CAPRIN2: variants seen among roughly 807,000 people sequenced by gnomAD.
The protein encoded by CAPRIN2 is caprin-2.
Under a neutral mutation model 130.4 loss-of-function variants are expected in CAPRIN2, and 66 were observed. The observed-to-expected ratio is 0.51, with a 90% CI of 0.42 to 0.62. CAPRIN2 has a LOEUF of 0.62. CAPRIN2 is among the 20% of genes least tolerant of loss of function. The pLI is 0.00. For synonymous variants in CAPRIN2, 471 were observed against 444.1 expected, an observed-to-expected ratio of 1.06 and a Z score of -0.76; for missense variants, 1,185 against 1,246.6, an observed-to-expected ratio of 0.95 and a Z score of 0.74.
At position 30,710,848 on chromosome 12, in the gene CAPRIN2, A is replaced by G. The variant is rs1034212060; in HGVS notation, c.2666-378T>C. ...AAAGCACCTAATGTAGAAGGTCTCA[A>G]GAAAATGGAGACTACATAAAAGAAC... On this transcript the variant is annotated intron_variant, in intron 16 of 16. Transcript: ENST00000298892. This position sits in a 1 kb window ranked among gnomAD's most constrained non-coding sequence, Gnocchi z 4.8. 1.3e-5 allele frequency among the ~76,000 whole-genome samples: 2 copies of G among 152,230 alleles called. No individual in the cohort carries two copies. The highest frequency in any genetic ancestry group is 2.9e-5 in the Non-Finnish European group (2 of 68,042).
Position 30,716,689 on chromosome 12 carries a change from G to T in CAPRIN2, c.2149-13C>A. ...TAACGTTAAATACCTTAAAAGACAA[G>T]GACACACTGAGTCATTTGGGAAGTT... On this transcript the variant is annotated splice_polypyrimidine_tract_variant and intron_variant, in intron 12 of 16. Coordinates refer to ENST00000298892, the Ensembl canonical transcript of CAPRIN2. 6.2e-7 allele frequency: 1 copy of T among 1,608,924 alleles called. No individual in the cohort carries two copies. The highest frequency in any genetic ancestry group is 8.5e-7 in the Non-Finnish European group (1 of 1,177,236).
At chr12:30,728,850 T>C in exon 8 of CAPRIN2, 1 of 1,614,136 alleles carries the variant, frequency 6.2e-7, no homozygotes, top group Non-Finnish European at 8.5e-7. Context: ...GGTCCATGAC[T>C]TGGTGGTGTT....
At chr12:30,749,072 A>G (rs759505888) in intron 2 of CAPRIN2, among the ~76,000 whole-genome samples, 10 of 152,162 alleles carry the variant, frequency 6.6e-5, no homozygotes, top group Non-Finnish European at 1.5e-5. Context: ...GGTACCTTCA[A>G]ATAAAAGGCT....
At chr12:30,728,317 G>C (rs2061527978) in intron 8 of CAPRIN2, 1 of 201,782 alleles carries the variant, frequency 5.0e-6, no homozygotes, top group Admixed American at 5.2e-5. Context: ...CACTTTGGGA[G>C]GCCGAGGCGG....
intron 5 of CAPRIN2, among the ~76,000 whole-genome samples, chr12:30,733,037 A>G (rs893721544): frequency 6.6e-6 from 1 of 152,126 alleles, no homozygotes; most frequent in Non-Finnish European, 1.5e-5. Context: ...TTTAAAAGGA[A>G]GCAATCACTG....
intron 12 of CAPRIN2, among the ~76,000 whole-genome samples, 155 bp from the exon 15 acceptor site, chr12:30,716,831 C>T (rs2057735508): frequency 6.6e-6 from 1 of 152,142 alleles, no homozygotes; most frequent in Admixed American, 6.5e-5. Flanking sequence ...CAAATAAGCA[C>T]ATGAAAACAT....
chr12:30,754,571 G>A (rs970684260), upstream of CAPRIN2: 4 of 152,210 alleles, frequency 2.6e-5, no homozygotes, highest in East Asian at 1.9e-4. Context: ...CAAGGCCCCG[G>A]GGGAGGCTGA....
At chr12:30,731,219 G>C in intron 6 of CAPRIN2, 124 bp downstream of exon 7, 1 of 634,118 alleles carries the variant, frequency 1.6e-6, no homozygotes, top group Non-Finnish European at 2.6e-6. Flanking sequence ...CCTGTGGTAA[G>C]TAAAGATTTC....
At chr12:30,738,579 C>T (rs1016148014) in intron 3 of CAPRIN2, among the ~76,000 whole-genome samples, 1 of 152,106 alleles carries the variant, frequency 6.6e-6, no homozygotes, top group East Asian at 1.9e-4. Context: ...AACTTAAGGG[C>T]TTTTATGCAG....
At chr12:30,753,833 C>G (rs1445889155) in exon 1 of CAPRIN2, 2 of 1,445,438 alleles carry the variant, frequency 1.4e-6, no homozygotes, top group African/African-American at 2.8e-5. Flanking sequence ...TCTCCCAATA[C>G]GGAGGATGTT....
At chr12:30,745,083 A>G (rs1272268653) in intron 2 of CAPRIN2, among the ~76,000 whole-genome samples, 1 of 152,230 alleles carries the variant, frequency 6.6e-6, no homozygotes, top group Non-Finnish European at 1.5e-5. Flanking sequence ...GTGGAATTAC[A>G]AAAGAGGGAA....
At chr12:30,735,255 T>C (rs1325925076) in intron 3 of CAPRIN2, 49 bp from the exon 5 acceptor site, 2 of 1,369,736 alleles carry the variant, frequency 1.5e-6, no homozygotes, top group African/African-American at 2.9e-5. Context: ...TACCATCCCA[T>C]ATTAGCAATA....
chr12:30,711,595 G>GT lies in CAPRIN2; in HGVS notation c.2635dup (p.Thr879AsnfsTer15), dbSNP rs760268729. The GT allele has an allele frequency of 6.2e-7, 1 of 1,613,816 alleles. No homozygotes were observed. The highest frequency in any genetic ancestry group is 1.1e-5 in the South Asian group (1 of 91,066). ...CGAATTTGCTCGTGGACCACCAGAT[G>GT]TCCCTCCTCGCTTATAACACTGCTG... is the stretch of plus-strand genomic sequence containing the variant. On this transcript the variant is annotated frameshift_variant, in exon 16 of 17. Coordinates refer to ENST00000298892, the Ensembl canonical transcript of CAPRIN2. LOFTEE classifies it high-confidence loss of function.
exon 1 of CAPRIN2, chr12:30,753,646 G>A: frequency 6.2e-7 from 1 of 1,614,144 alleles, no homozygotes; most frequent in South Asian, 1.1e-5. Flanking sequence ...ATAAAATTAG[G>A]ACTAGAGGGA....
chr12:30,723,069 T>C (rs2059869529), intron 11 of CAPRIN2, among the ~76,000 whole-genome samples, 190 bp downstream of exon 12: 2 of 152,222 alleles, frequency 1.3e-5, no homozygotes, highest in South Asian at 4.1e-4. Context: ...ACCTGTACTA[T>C]ATGTTTTCAG....
At position 30,731,349 on chromosome 12, in the gene CAPRIN2, C is replaced by CT; in HGVS notation, c.1053dup (p.Glu352ArgfsTer20). 6.2e-7 allele frequency: 1 copy of CT among 1,612,032 alleles called. No homozygotes were observed. The highest frequency in any genetic ancestry group is 8.5e-7 in the Non-Finnish European group (1 of 1,178,816). ...TTCAGAGGTCACAACAAACCTGACT[C>CT]TTTGACAGATTCAGTCTTCGATAAT... On this transcript the variant is annotated frameshift_variant, in exon 6 of 17. Coordinates refer to ENST00000298892, the Ensembl canonical transcript of CAPRIN2. LOFTEE classifies it high-confidence loss of function.
intron 8 of CAPRIN2, 171 bp downstream of exon 9, chr12:30,728,477 T>C (rs2061578031): frequency 1.8e-6 from 1 of 567,350 alleles, no homozygotes; most frequent in Non-Finnish European, 3.0e-6. Context: ...ATCGCTTGAA[T>C]CCAGGAGGCG....
intron 4 of CAPRIN2, among the ~76,000 whole-genome samples, 153 bp from the exon 6 acceptor site, chr12:30,733,864 T>C (rs1200667138): frequency 3.3e-5 from 5 of 152,198 alleles, no homozygotes; most frequent in African/African-American, 7.2e-5. Context: ...TTGAAATGTA[T>C]ACAAGATGAC....
At chr12:30,741,183 CAGT>C in intron 2 of CAPRIN2, 77 bp from the exon 4 acceptor site, 1 of 817,192 alleles carries the variant, frequency 1.2e-6, no homozygotes, top group Non-Finnish European at 1.9e-6. Context: ...TTCTTAAATA[CAGT>C]AGAAGAGATT....
Sources: allele counts gnomAD v4.1 joint callset (sites outside exome capture counted in the v4.1 genomes callset), GRCh38; gene constraint gnomAD v4.1.1; non-coding constraint Gnocchi (gnomAD v3.1); transcripts MANE v1.5; gene names NCBI Gene and HGNC (gene_info 2026-07-23, HGNC 2026-07-21).